The following PCDH9 variants were observed in gnomAD, a reference collection of about 807,000 sequenced individuals.
PCDH9 encodes protocadherin 9.
In PCDH9, 24 loss-of-function variants were observed where a neutral mutation model predicts 70.6. The ratio of observed to expected loss-of-function variants is 0.34; its 90% CI spans 0.25 to 0.48. PCDH9 has a LOEUF of 0.48. PCDH9 is among the 20% of genes least tolerant of loss of function. The pLI, the probability that PCDH9 is intolerant of heterozygous loss-of-function variation, is 0.99. For synonymous variants in PCDH9, 562 were observed against 558.5 expected (o/e 1.01, Z -0.09); for missense variants, 1,281 against 1,503.6 (o/e 0.85, Z 2.45).
chr13:66,985,186 A>T (rs986741811), intron 2 of PCDH9, among the ~76,000 whole-genome samples: 7 of 152,044 alleles, frequency 4.6e-5, no homozygotes, highest in Non-Finnish European at 8.8e-5. Context: ...GCAAGATAAA[A>T]TTCTTTTATG....
intron 2 of PCDH9, among the ~76,000 whole-genome samples, chr13:67,170,834 A>G (rs1209882957): frequency 6.6e-6 from 1 of 152,188 alleles, no homozygotes; most frequent in Non-Finnish European, 1.5e-5. Context: ...CTGAGGCACA[A>G]GAATCACTTG....
chr13:66,631,677 G>C (rs951133246), intron 3 of PCDH9, among the ~76,000 whole-genome samples: 1 of 151,742 alleles, frequency 6.6e-6, no homozygotes, highest in African/African-American at 2.4e-5. Context: ...AACAAGAAAG[G>C]CAAAACAAAA....
At chr13:66,931,286 A>T (rs924031730) in intron 2 of PCDH9, among the ~76,000 whole-genome samples, 1 of 152,112 alleles carries the variant, frequency 6.6e-6, no homozygotes, top group Non-Finnish European at 1.5e-5. Flanking sequence ...AGCTAGCCAT[A>T]TGATAGTAAA....
intron 2 of PCDH9, among the ~76,000 whole-genome samples, chr13:67,054,151 C>T (rs1367663071): frequency 6.6e-6 from 1 of 152,070 alleles, no homozygotes; most frequent in African/African-American, 2.4e-5. Flanking sequence ...AATTTTCTGA[C>T]CATGCATTTA....
At chr13:66,447,075 A>G (rs563165816) in intron 4 of PCDH9, among the ~76,000 whole-genome samples, 71 of 152,190 alleles carry the variant, frequency 4.7e-4, no homozygotes, top group African/African-American at 1.3e-3. Flanking sequence ...TCTCAGGAAG[A>G]AAGTGTCTTT....
rs1180302625 is a variant in PCDH9, at chr13:67,189,964, T to C, written c.3036+35441A>G. Among the ~76,000 whole-genome samples, 8 of 152,162 alleles carry C rather than the reference T, an allele frequency of 5.3e-5. No homozygotes were observed. In the East Asian group the frequency reaches 1.5e-3, roughly 29 times the overall value. ...ATAAAACAAATTCTTGATAGAGTTATTAAAAATAATACAAAATTAGTCTAC... is the reference window on the plus strand; with the variant it reads ...ATAAAACAAATTCTTGATAGAGTTACTAAAAATAATACAAAATTAGTCTAC... On this transcript the variant is annotated intron_variant, in intron 2 of 4. Transcript: ENST00000377865.
chr13:66,644,387 T>C (rs1348024210), intron 3 of PCDH9, among the ~76,000 whole-genome samples: 1 of 151,956 alleles, frequency 6.6e-6, no homozygotes, highest in Non-Finnish European at 1.5e-5. Flanking sequence ...TATATAAGAA[T>C]TCTTTGTACT....
intron 4 of PCDH9, among the ~76,000 whole-genome samples, chr13:66,557,494 C>T (rs564713770): frequency 6.6e-6 from 1 of 152,248 alleles, no homozygotes; most frequent in African/African-American, 2.4e-5. Context: ...TTCAGAGAAA[C>T]ATATGCTTCT....
chr13:66,345,042 T>C (rs1022500479), intron 4 of PCDH9, among the ~76,000 whole-genome samples: 3 of 152,206 alleles, frequency 2.0e-5, no homozygotes, highest in South Asian at 2.1e-4. Flanking sequence ...GTCTTTCTTA[T>C]TGTACTATAA....
chr13:66,823,723 T>C (rs1013532296), intron 3 of PCDH9, among the ~76,000 whole-genome samples: 2 of 152,134 alleles, frequency 1.3e-5, no homozygotes, highest in African/African-American at 4.8e-5. Context: ...ATCTCAGCAT[T>C]GGTGCTATAA....
At chr13:66,533,205 T>A (rs940646844) in intron 4 of PCDH9, among the ~76,000 whole-genome samples, 1 of 152,094 alleles carries the variant, frequency 6.6e-6, no homozygotes, top group African/African-American at 2.4e-5. Context: ...ATGGGTATAT[T>A]CCAGACTCTT....
intron 4 of PCDH9, among the ~76,000 whole-genome samples, chr13:66,312,717 G>A (rs556818175): frequency 2.8e-4 from 42 of 152,206 alleles, no homozygotes; most frequent in African/African-American, 1.0e-3. Context: ...AAATCTAGTG[G>A]TTCTATCAGA....
At chr13:66,798,437 T>C (rs931600472) in intron 3 of PCDH9, among the ~76,000 whole-genome samples, 3 of 152,120 alleles carry the variant, frequency 2.0e-5, no homozygotes, top group Non-Finnish European at 4.4e-5. Flanking sequence ...AGACACTGAA[T>C]CTAGACAAAA....
At chr13:66,629,586 A>G (rs2077543155) in intron 4 of PCDH9, among the ~76,000 whole-genome samples, 2 of 152,218 alleles carry the variant, frequency 1.3e-5, no homozygotes, top group African/African-American at 4.8e-5. Flanking sequence ...CAGTGTAATA[A>G]TAAGAGGTTT....
chr13:66,872,107 A>G (rs1242050876), intron 3 of PCDH9, among the ~76,000 whole-genome samples: 1 of 152,204 alleles, frequency 6.6e-6, no homozygotes, highest in Admixed American at 6.6e-5. Flanking sequence ...GTCCCCATAA[A>G]GGACATATGA....
chr13:66,772,132 C>T (rs1741877918), intron 3 of PCDH9, among the ~76,000 whole-genome samples: 1 of 152,184 alleles, frequency 6.6e-6, no homozygotes, highest in Admixed American at 6.5e-5. Context: ...TTCAGAAATA[C>T]AGCTTTATGT....
intron 2 of PCDH9, among the ~76,000 whole-genome samples, chr13:67,017,662 C>T (rs2139852947): frequency 6.6e-6 from 1 of 152,096 alleles, no homozygotes; most frequent in East Asian, 1.9e-4. Flanking sequence ...AATTATATCC[C>T]AAATGTAATA....
chr13:66,905,338 C>A (rs2082343459), intron 2 of PCDH9, among the ~76,000 whole-genome samples: 1 of 152,072 alleles, frequency 6.6e-6, no homozygotes. Flanking sequence ...TAGTTTTTCT[C>A]CTAAGAAACA....
chr13:66,674,769 T>C (rs2078220943), intron 3 of PCDH9, among the ~76,000 whole-genome samples: 1 of 152,104 alleles, frequency 6.6e-6, no homozygotes. Context: ...CTAATTAGTA[T>C]TCATTTGATT....
Sources: gnomAD v4.1 joint callset for allele counts (sites outside exome capture counted in the v4.1 genomes callset) on GRCh38, gnomAD v4.1.1 for gene constraint, MANE v1.5 for transcripts, NCBI Gene and HGNC (gene_info 2026-07-23, HGNC 2026-07-21) for gene names.